Variants in NAALADL2 observed in about 807,000 individuals in gnomAD.
NAALADL2 encodes N-acetylated alpha-linked acidic dipeptidase like 2, also known as inactive N-acetylated-alpha-linked acidic dipeptidase-like protein 2.
NAALADL2 carries 76 observed loss-of-function variants against 87.2 expected under a neutral mutation model. The observed-to-expected ratio is 0.87, with a 90% CI of 0.72 to 1.05. NAALADL2 has a LOEUF of 1.05. Among genes scored for constraint, NAALADL2 ranks in the 50% least tolerant of loss-of-function variants. The probability of loss-of-function intolerance (pLI) is 0.00; values close to 1 mark genes in which losing one functional copy is unlikely to be tolerated. For synonymous variants in NAALADL2, 354 were observed against 331.0 expected, an observed-to-expected ratio of 1.07 and a Z score of -0.75; for missense variants, 1,089 against 945.8, an observed-to-expected ratio of 1.15 and a Z score of -1.99.
intron 5 of NAALADL2, among the ~76,000 whole-genome samples, chr3:175,374,740 G>T (rs189467884): frequency 2.0e-5 from 3 of 151,530 alleles, no homozygotes; most frequent in Admixed American, 6.6e-5. Context: ...GGGCATGGTG[G>T]TGCATGCCTG....
intron 1 of NAALADL2, among the ~76,000 whole-genome samples, chr3:174,488,322 A>G (rs1043516445): frequency 6.6e-6 from 1 of 151,966 alleles, no homozygotes; most frequent in South Asian, 2.1e-4. Flanking sequence ...TAAGATATTT[A>G]ACTTTTTTAG....
chr3:175,649,764 T>C (rs1460782391), intron 11 of NAALADL2, among the ~76,000 whole-genome samples: 2 of 152,174 alleles, frequency 1.3e-5, no homozygotes, highest in Non-Finnish European at 2.9e-5. Context: ...TCCCAGACCA[T>C]CTGTAAATAT....
intron 2 of NAALADL2, among the ~76,000 whole-genome samples, chr3:174,637,645 T>C (rs1189524603): frequency 1.3e-5 from 2 of 152,078 alleles, no homozygotes; most frequent in Non-Finnish European, 2.9e-5. Flanking sequence ...ATGGAAAGCA[T>C]ATCTATATAT....
intron 1 of NAALADL2, among the ~76,000 whole-genome samples, chr3:174,507,532 T>A (rs1039324323): frequency 6.6e-6 from 1 of 152,106 alleles, no homozygotes; most frequent in African/African-American, 2.4e-5. Flanking sequence ...AGAGAATATT[T>A]CCTTCTCCAC....
intron 2 of NAALADL2, among the ~76,000 whole-genome samples, chr3:175,146,425 A>C (rs537782627): frequency 3.3e-5 from 5 of 152,266 alleles, no homozygotes; most frequent in Admixed American, 3.3e-4. Context: ...TTACAGCCTG[A>C]GTTTTCCCCT....
chr3:174,673,830 A>G (rs1726791444), intron 2 of NAALADL2, among the ~76,000 whole-genome samples: 1 of 152,082 alleles, frequency 6.6e-6, no homozygotes, highest in Admixed American at 6.6e-5. Context: ...CAAAGAAATG[A>G]TAAATCCTCA....
chr3:175,030,769 T>G (rs1752712600), intron 1 of NAALADL2, among the ~76,000 whole-genome samples: 3 of 151,924 alleles, frequency 2.0e-5, no homozygotes, highest in South Asian at 4.1e-4. Flanking sequence ...AATTGCAGAG[T>G]TTACTATTAG....
At chr3:175,193,217 G>GT (rs557494868) in intron 2 of NAALADL2, among the ~76,000 whole-genome samples, 98 of 148,608 alleles carry the variant, frequency 6.6e-4, no homozygotes, top group African/African-American at 1.6e-3. Flanking sequence ...CTAGTTGTGT[G>GT]TTTTTTTTTC....
chr3:174,974,700 G>A (rs2108622691), intron 1 of NAALADL2, among the ~76,000 whole-genome samples: 1 of 152,234 alleles, frequency 6.6e-6, no homozygotes, highest in Middle Eastern at 3.4e-3. Flanking sequence ...ATAATCAGGA[G>A]ATATAATTGT....
chr3:175,748,850 AC>A (rs1386245178), intron 12 of NAALADL2, among the ~76,000 whole-genome samples: 1 of 151,806 alleles, frequency 6.6e-6, no homozygotes, highest in Non-Finnish European at 1.5e-5. Flanking sequence ...CATATCTGTA[AC>A]CCCACCACTA....
chr3:175,762,912 G>GT (rs1019111910), intron 13 of NAALADL2, among the ~76,000 whole-genome samples: 1 of 151,838 alleles, frequency 6.6e-6, no homozygotes, highest in Non-Finnish European at 1.5e-5. Context: ...GTGAAACCCC[G>GT]TCTCTACTAA....
At chr3:174,531,178 T>C (rs1721205051) in intron 1 of NAALADL2, among the ~76,000 whole-genome samples, 1 of 152,188 alleles carries the variant, frequency 6.6e-6, no homozygotes, top group South Asian at 2.1e-4. Context: ...TGTATGTTTC[T>C]ATTTCTTTTA....
chr3:174,616,311 G>T lies in NAALADL2; in HGVS notation c.-115+65674G>T, dbSNP rs138166501. Among the ~76,000 whole-genome samples the T allele has an allele frequency of 5.4e-3, 825 of 152,014 alleles. 8 individuals are homozygous for T. Among genetic ancestry groups the T allele is most frequent in the African/African-American group, 0.019 (783 of 41,512 alleles). On this transcript the variant is annotated intron_variant, in intron 2 of 3. Transcript: ENST00000434257. ...AGAAAGAGACAGATATACATAAATA[G>T]AAGGTACTAGAAGTAAAGTTGGGAG...
intron 5 of NAALADL2, among the ~76,000 whole-genome samples, chr3:175,356,116 G>C (rs12630407): frequency 0.27 from 41,257 of 151,954 alleles, 6,236 homozygotes; most frequent in East Asian, 0.5. Flanking sequence ...CTGAAACAGT[G>C]TTTACTAAAT....
chr3:174,948,944 C>T (rs1274979849), intron 1 of NAALADL2, among the ~76,000 whole-genome samples: 2 of 152,144 alleles, frequency 1.3e-5, no homozygotes, highest in African/African-American at 4.8e-5. Flanking sequence ...GATCAAGGTG[C>T]TGGTGAATTT....
At chr3:175,714,177 G>A (rs1271606391) in intron 11 of NAALADL2, among the ~76,000 whole-genome samples, 1 of 152,128 alleles carries the variant, frequency 6.6e-6, no homozygotes, top group Non-Finnish European at 1.5e-5. Context: ...TGTGAATAGT[G>A]CTGCAATAAA....
At chr3:174,952,790 C>A (rs1477500388) in intron 1 of NAALADL2, among the ~76,000 whole-genome samples, 1 of 152,090 alleles carries the variant, frequency 6.6e-6, no homozygotes, top group Non-Finnish European at 1.5e-5. Context: ...GCCTGCATGA[C>A]ATTAGGTTTG....
intron 12 of NAALADL2, among the ~76,000 whole-genome samples, chr3:175,739,836 T>G (rs1583069428): frequency 6.6e-6 from 1 of 152,090 alleles, no homozygotes; most frequent in Non-Finnish European, 1.5e-5. Flanking sequence ...AATCTGAAAA[T>G]AGCACTATGC....
intron 2 of NAALADL2, among the ~76,000 whole-genome samples, chr3:174,693,333 C>A (rs967561774): frequency 6.6e-6 from 1 of 152,070 alleles, no homozygotes; most frequent in African/African-American, 2.4e-5. Context: ...AGAAGTGGAC[C>A]ATAGGGTGTT....
Sources: gnomAD v4.1 joint callset for allele counts (sites outside exome capture counted in the v4.1 genomes callset) on GRCh38, gnomAD v4.1.1 for gene constraint, MANE v1.5 for transcripts, NCBI Gene and HGNC (gene_info 2026-07-23, HGNC 2026-07-21) for gene names.